Variants in CAST observed in about 807,000 individuals in gnomAD.
CAST encodes MIR583 host.
In CAST, 76 loss-of-function variants were observed where a neutral mutation model predicts 119.6. That is an observed-to-expected ratio of 0.64 (90% CI 0.53 to 0.77). The LOEUF is 0.77. Among genes scored for constraint, CAST ranks in the 30% least tolerant of loss-of-function variants. CAST has a pLI of 0.00. For missense variants in CAST, 953 were observed against 946.5 expected (o/e 1.01, Z -0.09); for synonymous variants, 319 against 331.6 (o/e 0.96, Z 0.41).
chr5:96,727,600 C>T (rs1759514538), intron 6 of CAST, 70 bp downstream of exon 6: 3 of 1,013,576 alleles, frequency 3.0e-6, no homozygotes, highest in Non-Finnish European at 4.4e-6. Flanking sequence ...CAACTTCCTG[C>T]CTTGGCACAG....
the CAST span, among the ~76,000 whole-genome samples, chr5:96,303,478 T>C: frequency 6.6e-6 from 1 of 152,232 alleles, no homozygotes; most frequent in Non-Finnish European, 1.5e-5. Context: ...ATTTATAGTA[T>C]ACTTTAAGTT....
At chr5:96,178,097 A>C in the CAST span, among the ~76,000 whole-genome samples, 1 of 152,274 alleles carries the variant, frequency 6.6e-6, no homozygotes, top group South Asian at 2.1e-4. Context: ...TGGACATAAA[A>C]GTAGGAACTG....
chr5:96,741,759 T>G, intron 15 of CAST, 179 bp downstream of exon 15: 2 of 561,302 alleles, frequency 3.6e-6, no homozygotes, highest in Non-Finnish European at 6.5e-6. Context: ...GCCTTGTGTG[T>G]TTCTGTAACT....
At chr5:96,129,051 CA>C in the CAST span, among the ~76,000 whole-genome samples, 1 of 152,184 alleles carries the variant, frequency 6.6e-6, no homozygotes, top group African/African-American at 2.4e-5. Context: ...AATGATAAAT[CA>C]AAGACCTTAA....
the CAST span, among the ~76,000 whole-genome samples, chr5:96,061,664 T>TGTGC: frequency 6.6e-6 from 1 of 151,518 alleles, no homozygotes; most frequent in African/African-American, 2.4e-5. Context: ...TGTGTGTGTG[T>TGTGC]GTGCGTGTGT....
At chr5:96,291,101 G>A in the CAST span, among the ~76,000 whole-genome samples, 1 of 152,174 alleles carries the variant, frequency 6.6e-6, no homozygotes, top group African/African-American at 2.4e-5. Context: ...GAATCATCTT[G>A]GAAGCAGATC....
At chr5:96,692,594 C>A (rs1752855060) in intron 2 of CAST, among the ~76,000 whole-genome samples, 1 of 152,166 alleles carries the variant, frequency 6.6e-6, no homozygotes, top group Admixed American at 6.6e-5. Context: ...GCACGTGCTG[C>A]CCTGTCTACC....
At position 96,583,792 on chromosome 5, in the gene CAST, T is replaced by C. The variant is rs115862302; in HGVS notation, c.60+53912T>C. Among the ~76,000 whole-genome samples the C allele has an allele frequency of 5.1e-3, 770 of 152,296 alleles. 13 individuals are homozygous for C. Among genetic ancestry groups the C allele is most frequent in the African/African-American group, 0.018 (752 of 41,560 alleles). ...TGTCATATACTCGTCAAAAAGACATTTGTATTGTTACTTGATTTTTCAGTA... is the reference window on the plus strand; with the variant it reads ...TGTCATATACTCGTCAAAAAGACATCTGTATTGTTACTTGATTTTTCAGTA... On this transcript the variant is annotated intron_variant, in intron 1 of 11. Coordinates refer to the CAST transcript ENST00000505143.
At chr5:96,606,489 C>G (rs1747257555) in intron 1 of CAST, among the ~76,000 whole-genome samples, 1 of 152,148 alleles carries the variant, frequency 6.6e-6, no homozygotes, top group Non-Finnish European at 1.5e-5. Flanking sequence ...GACTGGAGGA[C>G]AGGCCTAGAG....
chr5:96,709,958 A>G (rs1440185814), intron 3 of CAST, among the ~76,000 whole-genome samples: 2 of 152,292 alleles, frequency 1.3e-5, no homozygotes, highest in Middle Eastern at 3.4e-3. Flanking sequence ...ACAACATACT[A>G]CTATTTCCTT....
At chr5:96,621,560 C>T (rs535100972) in intron 1 of CAST, among the ~76,000 whole-genome samples, 7 of 152,272 alleles carry the variant, frequency 4.6e-5, no homozygotes, top group African/African-American at 1.4e-4. Context: ...CAGGCACTTA[C>T]AAAACCATCA....
the CAST span, among the ~76,000 whole-genome samples, chr5:96,257,346 C>T: frequency 6.6e-6 from 1 of 152,112 alleles, no homozygotes; most frequent in African/African-American, 2.4e-5. Context: ...TGATCAAATG[C>T]ATTACAAATA....
the CAST span, among the ~76,000 whole-genome samples, chr5:96,378,762 C>G: frequency 6.6e-6 from 1 of 152,166 alleles, no homozygotes; most frequent in South Asian, 2.1e-4. Context: ...AGTGTCCTTT[C>G]CCCACACTTT....
the CAST span, among the ~76,000 whole-genome samples, chr5:96,057,816 C>G: frequency 6.6e-6 from 1 of 152,124 alleles, no homozygotes; most frequent in African/African-American, 2.4e-5. Flanking sequence ...CTCCTCTAGT[C>G]TGTGCAATTA....
At chr5:96,753,566 C>T (rs984153413) in intron 20 of CAST, among the ~76,000 whole-genome samples, 1 of 152,198 alleles carries the variant, frequency 6.6e-6, no homozygotes, top group Non-Finnish European at 1.5e-5. Context: ...AGAACCAGCC[C>T]TGAAACTCCT....
chr5:96,005,710 G>A, the CAST span, among the ~76,000 whole-genome samples: 4 of 151,916 alleles, frequency 2.6e-5, no homozygotes, highest in African/African-American at 4.8e-5. Flanking sequence ...GTGTGATAGG[G>A]GAAACTGGGT....
At chr5:96,715,114 G>A (rs1756970393) in intron 3 of CAST, 1 of 152,152 alleles carries the variant, frequency 6.6e-6, no homozygotes, top group African/African-American at 2.4e-5. Context: ...GCACTCCTCA[G>A]AACAAGTAGA....
chr5:96,316,511 C>G, the CAST span, among the ~76,000 whole-genome samples: 1 of 152,276 alleles, frequency 6.6e-6, no homozygotes, highest in South Asian at 2.1e-4. Context: ...AGAATGTTAC[C>G]ATGGGAAGCA....
chr5:95,969,566 G>A, the CAST span, among the ~76,000 whole-genome samples: 2 of 152,044 alleles, frequency 1.3e-5, no homozygotes, highest in African/African-American at 4.8e-5. Context: ...AAGTAATGAG[G>A]CCTTGTACTA....
Sources: allele counts gnomAD v4.1 joint callset (sites outside exome capture counted in the v4.1 genomes callset), GRCh38; gene constraint gnomAD v4.1.1; transcripts MANE v1.5; gene names NCBI Gene and HGNC (gene_info 2026-07-23, HGNC 2026-07-21).